The following CSMD2 variants were observed in gnomAD, a reference collection of about 807,000 sequenced individuals.
CSMD2 encodes CUB and Sushi multiple domains 2, also known as CUB and sushi domain-containing protein 2.
A neutral mutation model predicts 398.5 loss-of-function variants in CSMD2; 130 were observed. The ratio of observed to expected loss-of-function variants is 0.33; its 90% CI spans 0.28 to 0.38. CSMD2 has a LOEUF of 0.38. Among genes scored for constraint, CSMD2 ranks in the 10% least tolerant of loss-of-function variants. The pLI, the probability that CSMD2 is intolerant of heterozygous loss-of-function variation, is 1.00. For missense variants in CSMD2, 3,829 were observed against 4,764.9 expected (o/e 0.80, Z 5.78); for synonymous variants, 1,828 against 1,908.5 (o/e 0.96, Z 1.10).
At chr1:33,962,249 G>T (rs1038405796) in intron 3 of CSMD2, among the ~76,000 whole-genome samples, 2 of 152,126 alleles carry the variant, frequency 1.3e-5, no homozygotes, top group Non-Finnish European at 2.9e-5. Context: ...TAATGATGAG[G>T]AGCATGTCTG....
rs760982366 is a variant in CSMD2, at chr1:33,527,253, G to A, written c.10177C>T (p.Arg3393Trp). 60 of 1,612,472 alleles carry A rather than the reference G, an allele frequency of 3.7e-5. No individual in the cohort carries two copies. Among genetic ancestry groups the A allele is most frequent in the Admixed American group, 5.0e-5 (3 of 59,752 alleles). ...GTGTTGATGGGTCTCCCACTGGGCC[G>A]GACCTCTGCTGGGGAAAAAGAGTGG... ...TGKPPICLEV[R>W]PSGRPINTAR... The change falls in exon 65 of 71, where the codon CGG becomes TGG. Residue 3393 changes from arginine to tryptophan, a missense_variant. Transcript: ENST00000373381.
chr1:34,102,975 C>G (rs1052632676), intron 1 of CSMD2, among the ~76,000 whole-genome samples: 3 of 152,154 alleles, frequency 2.0e-5, no homozygotes, highest in Admixed American at 2.0e-4. Context: ...ATTTTTTTCT[C>G]TGCTCTATCT....
intron 3 of CSMD2, among the ~76,000 whole-genome samples, chr1:33,971,448 A>G (rs1229012980): frequency 6.6e-6 from 1 of 152,198 alleles, no homozygotes; most frequent in Non-Finnish European, 1.5e-5. Flanking sequence ...GCCTCGGGAA[A>G]CATCGTGCCT....
In CSMD2 at chr1:33,537,513, G is replaced by A. The variant is rs1202876200; in HGVS notation, c.9728C>T (p.Pro3243Leu). 13 of 1,614,190 alleles carry A rather than the reference G, an allele frequency of 8.1e-6. No homozygotes were observed. The highest frequency in any genetic ancestry group is 1.0e-5 in the Non-Finnish European group (12 of 1,180,020). The change falls in exon 61 of 71, where the codon CCT (proline) becomes CTT (leucine). Residue 3243 changes from proline (P) to leucine (L), a missense_variant. Physicochemically the swap from Pro to Leu is moderately conservative, Grantham distance 98. Coordinates refer to ENST00000373381, the MANE Select transcript of CSMD2 (RefSeq NM_001281956.2). The surrounding 1 kb of genome is among the most constrained non-coding windows in gnomAD (Gnocchi z 4.6). ...RSSVSFSCHPPLVLVGSPRRF... is the reference protein window; with the variant it reads ...RSSVSFSCHPLLVLVGSPRRF... Reference sequence around the variant, plus strand: ...GCGTGGAGAGCCCACCAGCACCAGAGGGGGATGGCAGGAGAAGGAGACAGA... The same window carrying A: ...GCGTGGAGAGCCCACCAGCACCAGAAGGGGATGGCAGGAGAAGGAGACAGA...
chr1:33,828,016 G>T lies in CSMD2; in HGVS notation c.1034-2242C>A, dbSNP rs550000256. 9.2e-5 allele frequency among the ~76,000 whole-genome samples: 14 copies of T among 152,304 alleles called. No individual in the cohort carries two copies. In the South Asian group the frequency reaches 2.9e-3, roughly 32 times the overall value. On this transcript the variant is annotated intron_variant, in intron 6 of 70. Coordinates refer to ENST00000373381, the MANE Select transcript of CSMD2 (RefSeq NM_001281956.2). ...GATATGCAAGGAAGGCTGCCTCCCA[G>T]TCCCCCAACTCTGGCTACATGAAAA...
chr1:34,113,174 G>T (rs1249044688), intron 1 of CSMD2: 2 of 152,248 alleles, frequency 1.3e-5, no homozygotes, highest in African/African-American at 4.8e-5. Context: ...TTGTGTCTCT[G>T]AGCTTCCTCA....
intron 3 of CSMD2, among the ~76,000 whole-genome samples, chr1:34,012,791 T>C (rs1445354765): frequency 6.6e-6 from 1 of 152,188 alleles, no homozygotes; most frequent in Non-Finnish European, 1.5e-5. Context: ...ATATGTTGAA[T>C]GAATAAAAGA....
rs545208596 is a variant in CSMD2, at chr1:33,772,382, C to T, written c.1846+187G>A. The T allele has an allele frequency of 1.4e-5, 8 of 573,992 alleles. No individual in the cohort carries two copies. The South Asian group carries it at 1.5e-4, about 11-fold the overall frequency. The allele number at this position is 573,992 out of a possible 1,614,324, so 35.6% of individuals were successfully genotyped here. ...TCAGGAGCACTTGTTCTCAGTGCTA[C>T]AGTCGACATTCCTGCCAGAAATAAG... is the stretch of plus-strand genomic sequence containing the variant. On this transcript the variant is annotated intron_variant, in intron 13 of 70. Coordinates refer to ENST00000373381, the MANE Select transcript of CSMD2 (RefSeq NM_001281956.2).
At chr1:33,950,383 CAGAGAGAG>C (rs3045848) in intron 3 of CSMD2, among the ~76,000 whole-genome samples, 7,784 of 133,796 alleles carry the variant, frequency 0.058, 318 homozygotes, top group East Asian at 0.15. Flanking sequence ...TCTCCTCCAG[CAGAGAGAG>C]AGAGAGAGAG....
intron 57 of CSMD2, among the ~76,000 whole-genome samples, chr1:33,544,451 C>T (rs1442603172): frequency 1.3e-5 from 2 of 152,004 alleles, no homozygotes; most frequent in South Asian, 2.1e-4. Flanking sequence ...TGCACCAGCC[C>T]GGGAATTAGC....
chr1:33,675,355 C>T (rs959997912), intron 25 of CSMD2, among the ~76,000 whole-genome samples: 1 of 152,230 alleles, frequency 6.6e-6, no homozygotes, highest in Admixed American at 6.5e-5. Flanking sequence ...ACTAGAAAAT[C>T]TAGAAAAAAT....
At chr1:33,607,377 T>C (rs80247349) in intron 41 of CSMD2, among the ~76,000 whole-genome samples, 3 of 152,162 alleles carry the variant, frequency 2.0e-5, no homozygotes, top group African/African-American at 2.4e-5. Context: ...CGAGGGGCCA[T>C]AGAGAGCTGG....
intron 25 of CSMD2, among the ~76,000 whole-genome samples, chr1:33,675,652 C>T (rs1644683278): frequency 1.3e-5 from 2 of 151,952 alleles, no homozygotes; most frequent in South Asian, 2.1e-4. Context: ...AGAGACACAA[C>T]AAAAAAAGAG....
intron 22 of CSMD2, among the ~76,000 whole-genome samples, chr1:33,702,196 G>T (rs1164755823): frequency 6.6e-6 from 1 of 152,164 alleles, no homozygotes; most frequent in Non-Finnish European, 1.5e-5. Context: ...GAAACCTACA[G>T]ATTAAAAAAC....
intron 3 of CSMD2, among the ~76,000 whole-genome samples, chr1:33,953,229 G>T (rs1240648215): frequency 6.6e-6 from 1 of 152,188 alleles, no homozygotes; most frequent in African/African-American, 2.4e-5. Flanking sequence ...TGTCTCCAAG[G>T]TGGAAGGAGG....
chr1:33,542,794 T>G lies in CSMD2; in HGVS notation c.9203A>C (p.Tyr3068Ser). Residue 3068 changes from tyrosine (Y) to serine (S), a missense_variant, in exon 58 of 71, where the codon TAC becomes TCC. This residue lies in a region of CSMD2 where 917 missense variants were observed against 1,199.5 expected (regional missense o/e 0.76). Transcript: ENST00000373381. ...ACGGCTGAGCAGGCCTGTGGCGTAG[T>G]ATCCTTCCCGGCACTCATAGACGAT... Reference protein sequence around the residue: ...SSIVYECREGYYATGLLSRHC... With the variant: ...SSIVYECREGSYATGLLSRHC... 6.2e-7 allele frequency: 1 copy of G among 1,614,160 alleles called. No homozygotes were observed. The highest frequency in any genetic ancestry group is 8.5e-7 in the Non-Finnish European group (1 of 1,180,030).
intron 5 of CSMD2, among the ~76,000 whole-genome samples, chr1:33,874,306 T>A (rs113640535): frequency 5.9e-5 from 9 of 152,222 alleles, no homozygotes; most frequent in African/African-American, 1.9e-4. Flanking sequence ...TTGAAGCCAT[T>A]TAATGCAATT....
intron 5 of CSMD2, chr1:33,864,714 A>G (rs761135652): frequency 1.2e-5 from 19 of 1,613,092 alleles, no homozygotes; most frequent in Non-Finnish European, 1.4e-5. Flanking sequence ...AATGTCAGCT[A>G]GAAACCGGTG....
chr1:34,078,350 T>C (rs1336863532), intron 2 of CSMD2, among the ~76,000 whole-genome samples: 1 of 152,118 alleles, frequency 6.6e-6, no homozygotes, highest in Non-Finnish European at 1.5e-5. Flanking sequence ...CTGAGCTCAG[T>C]GACTCCTTCA....
Sources: allele counts gnomAD v4.1 joint callset (sites outside exome capture counted in the v4.1 genomes callset), GRCh38; gene constraint gnomAD v4.1.1; regional missense constraint gnomAD v4.1.1; non-coding constraint Gnocchi (gnomAD v3.1); transcripts MANE v1.5; gene names NCBI Gene and HGNC (gene_info 2026-07-23, HGNC 2026-07-21).